The following QTRT2 variants were observed in gnomAD, a reference collection of about 807,000 sequenced individuals.
QTRT2 encodes the protein queuine tRNA-ribosyltransferase accessory subunit 2, also known as queuine tRNA-ribosyltransferase domain containing 1.
QTRT2 carries 32 observed loss-of-function variants against 44.8 expected under a neutral mutation model. That is an observed-to-expected ratio of 0.71 (90% CI 0.54 to 0.96). The LOEUF (loss-of-function observed/expected upper bound fraction) is 0.96, where lower values mean the gene tolerates loss of function less well. Among genes scored for constraint, QTRT2 ranks in the 40% least tolerant of loss-of-function variants. The pLI is 0.00. For synonymous variants in QTRT2, 182 were observed against 187.4 expected (o/e 0.97, Z 0.24); for missense variants, 461 against 503.1 (o/e 0.92, Z 0.80).
Position 114,065,261 on chromosome 3 carries a change from A to C in QTRT2, c.4A>C (p.Lys2Gln), listed in dbSNP as rs149814087. Residue 2 changes from lysine to glutamine, a missense_variant, in exon 3 of 10, where the codon AAG becomes CAG. Physicochemically the swap from Lys to Gln is moderately conservative, Grantham distance 53. Transcript: ENST00000281273. Reference protein sequence around the residue: MKLSLTKVVNGC... With the variant: MQLSLTKVVNGC... Reference sequence around the variant, plus strand: ...GGACCTAGAAGAATCCCTTAGGATGAAGCTGAGTCTTACCAAGGTAGTTAA... The same window carrying C: ...GGACCTAGAAGAATCCCTTAGGATGCAGCTGAGTCTTACCAAGGTAGTTAA... The C allele has an allele frequency of 2.1e-5, 34 of 1,613,826 alleles. No individual in the cohort carries two copies. Among genetic ancestry groups the C allele is most frequent in the African/African-American group, 6.7e-5 (5 of 74,872 alleles).
intron 5 of QTRT2, among the ~76,000 whole-genome samples, chr3:114,068,729 A>G (rs1181164992): frequency 6.6e-6 from 1 of 152,110 alleles, no homozygotes; most frequent in African/African-American, 2.4e-5. Flanking sequence ...TTAAGTTTCT[A>G]TTTATTTTGT....
At chr3:114,064,193 T>C (rs139648759) in intron 2 of QTRT2, among the ~76,000 whole-genome samples, 155 of 151,936 alleles carry the variant, frequency 1.0e-3, no homozygotes, top group African/African-American at 3.3e-3. Flanking sequence ...CCAGCCTGGG[T>C]GACAGAGCGA....
chr3:114,070,516 G>A lies in QTRT2; in HGVS notation c.334-110G>A, dbSNP rs985065097. ...ACCCACCATGTCTGGATATTGAATTGTCACCATCTCTGCAGTTGTAAAGAA... is the reference window on the plus strand; with the variant it reads ...ACCCACCATGTCTGGATATTGAATTATCACCATCTCTGCAGTTGTAAAGAA... On this transcript the variant is annotated intron_variant, in intron 5 of 9. Coordinates refer to ENST00000281273, the MANE Select transcript of QTRT2 (RefSeq NM_024638.4). 7.9e-6 allele frequency: 7 copies of A among 889,140 alleles called. No individual in the cohort carries two copies. In the East Asian group the frequency reaches 1.6e-4, roughly 21 times the overall value. 55.1% of individuals were successfully genotyped at this position (889,140 alleles called of 1,614,324 possible). A position where few individuals can be genotyped will look rare whatever the true frequency, so the allele number is the denominator to read the frequency against.
At chr3:114,062,437 C>G (rs905082304) in intron 2 of QTRT2, among the ~76,000 whole-genome samples, 1 of 149,264 alleles carries the variant, frequency 6.7e-6, no homozygotes, top group South Asian at 2.1e-4. Flanking sequence ...AGGTTCTAGA[C>G]AAGCCTATGA....
intron 2 of QTRT2, among the ~76,000 whole-genome samples, chr3:114,061,072 C>T (rs1320838459): frequency 1.3e-5 from 2 of 152,114 alleles, no homozygotes; most frequent in East Asian, 1.9e-4. Context: ...GTTTGGACCT[C>T]GGATGTCCAT....
intron 6 of QTRT2, among the ~76,000 whole-genome samples, chr3:114,075,872 C>T (rs1240412180): frequency 6.6e-6 from 1 of 152,058 alleles, no homozygotes; most frequent in Non-Finnish European, 1.5e-5. Flanking sequence ...CATTCCTTAC[C>T]CCAAGATTGT....
rs191358647 is a variant in QTRT2 at position 114,078,183 on chromosome 3, C to T, written c.746+1241C>T. The T allele has an allele frequency of 3.2e-3, 487 of 152,336 alleles. 1 individual carries two copies. Among genetic ancestry groups the T allele is most frequent in the Non-Finnish European group, 5.4e-3 (369 of 68,036 alleles). The allele number at this position is 152,336 out of a possible 1,614,324, so 9.4% of individuals were successfully genotyped here. On this transcript the variant is annotated intron_variant, in intron 7 of 9. Coordinates refer to ENST00000281273, the MANE Select transcript of QTRT2 (RefSeq NM_024638.4). ...TTCTTTTGTGTTCATTGCTCCCTCT[C>T]CTGTACTTGTTTCACTCTGGTGCAC...
At chr3:114,085,583 C>T in intron 9 of QTRT2, 90 bp from the exon 10 acceptor site, 1 of 1,065,194 alleles carries the variant, frequency 9.4e-7, no homozygotes, top group Non-Finnish European at 1.5e-6. Context: ...TTATTAACCA[C>T]TGGTAACTTT....
intron 2 of QTRT2, among the ~76,000 whole-genome samples, chr3:114,062,938 T>C (rs1422073996): frequency 6.6e-6 from 1 of 152,092 alleles, no homozygotes; most frequent in Non-Finnish European, 1.5e-5. Flanking sequence ...GATGAGAGAG[T>C]ATTTTTGGAG....
chr3:114,062,047 A>G (rs2076894105), intron 2 of QTRT2, among the ~76,000 whole-genome samples: 1 of 150,198 alleles, frequency 6.7e-6, no homozygotes, highest in African/African-American at 2.4e-5. Context: ...TGCATCTCCT[A>G]GCATGTTAAA....
intron 6 of QTRT2, 57 bp downstream of exon 6, chr3:114,070,895 CTG>C (rs2077016609): frequency 1.9e-5 from 26 of 1,353,854 alleles, no homozygotes; most frequent in Non-Finnish European, 2.3e-5. Context: ...CCCTTACATT[CTG>C]TGATACCACC....
chr3:114,088,339 A>G lies in QTRT2; in HGVS notation c.*2435A>G, dbSNP rs1020033878. 3.9e-5 allele frequency: 6 copies of G among 152,158 alleles called. No individual in the cohort carries two copies. The highest frequency in any genetic ancestry group is 1.4e-4 in the African/African-American group (6 of 41,438). The allele number at this position is 152,158 out of a possible 1,614,324, so 9.4% of individuals were successfully genotyped here. ...AGGCAATAGCCAATAAAACATTTTT[A>G]ATTTTAAAAATTTACTGTGTTTGGC... On this transcript the variant is annotated 3_prime_UTR_variant, in exon 10 of 10. Coordinates refer to ENST00000281273, the MANE Select transcript of QTRT2 (RefSeq NM_024638.4).
Position 114,085,861 on chromosome 3 carries a change from A to T in QTRT2, c.1205A>T (p.Lys402Ile). 6.2e-7 allele frequency: 1 copy of T among 1,614,150 alleles called. No individual in the cohort carries two copies. Among genetic ancestry groups the T allele is most frequent in the Non-Finnish European group, 8.5e-7 (1 of 1,180,032 alleles). Residue 402 changes from lysine (K) to isoleucine (I), a missense_variant, in exon 10 of 10, where the codon AAA becomes ATA. Transcript: ENST00000281273. The stretch of plus-strand genomic sequence containing the variant: ...ATCCGGGAAGCACTAAAAAGTGACA[A>T]ACTGGCACAGTTGAAAGAGCTCATC... The part of the protein sequence containing the change: ...HYIREALKSD[K>I]LAQLKELIHR...
Position 114,070,717 on chromosome 3 carries a change from A to G in QTRT2, c.425A>G (p.Gln142Arg). 1 of 1,614,160 alleles carries G rather than the reference A, an allele frequency of 6.2e-7. No individual in the cohort carries two copies. The highest frequency in any genetic ancestry group is 8.5e-7 in the Non-Finnish European group (1 of 1,180,008). ...IQKALQPDWF[Q>R]CLSDGEVSCK... Reference sequence around the variant, plus strand: ...AAGGCCCTTCAGCCAGACTGGTTCCAGTGCCTCTCCGATGGAGAAGTATCT... The same window carrying G: ...AAGGCCCTTCAGCCAGACTGGTTCCGGTGCCTCTCCGATGGAGAAGTATCT... Residue 142 changes from glutamine to arginine, a missense_variant, in exon 6 of 10, where the codon CAG (glutamine) becomes CGG (arginine). Coordinates refer to ENST00000281273, the MANE Select transcript of QTRT2 (RefSeq NM_024638.4).
At chr3:114,070,221 G>T (rs2077006110) in intron 5 of QTRT2, among the ~76,000 whole-genome samples, 1 of 152,132 alleles carries the variant, frequency 6.6e-6, no homozygotes, top group African/African-American at 2.4e-5. Context: ...TGCCCTATAT[G>T]TAAGATGTCT....
intron 9 of QTRT2, among the ~76,000 whole-genome samples, chr3:114,085,090 A>G (rs1361420491): frequency 6.6e-6 from 1 of 152,212 alleles, no homozygotes; most frequent in Non-Finnish European, 1.5e-5. Context: ...GTAATACTCA[A>G]CATGAGTGAG....
intron 2 of QTRT2, among the ~76,000 whole-genome samples, chr3:114,063,855 CTTAT>C (rs2076918667): frequency 6.6e-6 from 1 of 151,868 alleles, no homozygotes; most frequent in African/African-American, 2.4e-5. Context: ...ATAGATATGT[CTTAT>C]TTATTTGGTG....
chr3:114,082,766 T>C lies in QTRT2; in HGVS notation c.988T>C (p.Ser330Pro). The change falls in exon 9 of 10, where the codon TCA becomes CCA. Residue 330 changes from serine (S) to proline (P), a missense_variant. By Grantham distance (74) the Ser-to-Pro change is moderately conservative. Coordinates refer to ENST00000281273, the MANE Select transcript of QTRT2 (RefSeq NM_024638.4). ...ETTGCNQEIT[S>P]FEINLKEKKY... ...AACTGGTTGCAACCAAGAAATAACA[T>C]CATTTGAAATTAATCTGAAGGAAAA... The C allele has an allele frequency of 6.8e-7, 1 of 1,475,970 alleles. No individual in the cohort carries two copies. The highest frequency in any genetic ancestry group is 9.3e-7 in the Non-Finnish European group (1 of 1,074,926). 91.4% of individuals were successfully genotyped at this position (1,475,970 alleles called of 1,614,324 possible). A position where few individuals can be genotyped will look rare whatever the true frequency, so the allele number is the denominator to read the frequency against.
rs71146306 is a variant in QTRT2, at chr3:114,082,204, C to CCACACACACACACACA, written c.899-439_899-424dup. ...ATGATAAGGGATAGTGATAACCCCA[C>CCACACACACACACACA]CACACACACACACACACACACACAC... On this transcript the variant is annotated intron_variant, in intron 8 of 9. Coordinates refer to ENST00000281273, the MANE Select transcript of QTRT2 (RefSeq NM_024638.4). 1.5e-3 allele frequency among the ~76,000 whole-genome samples: 213 copies of CCACACACACACACACA among 138,860 alleles called. 3 individuals are homozygous for CCACACACACACACACA. The highest frequency in any genetic ancestry group is 4.9e-3 in the African/African-American group (179 of 36,750). 91.1% of individuals were successfully genotyped at this position (138,860 alleles called of 152,430 possible).
Sources: gnomAD v4.1 joint callset for allele counts (sites outside exome capture counted in the v4.1 genomes callset) on GRCh38, gnomAD v4.1.1 for gene constraint, MANE v1.5 for transcripts, NCBI Gene and HGNC (gene_info 2026-07-23, HGNC 2026-07-21) for gene names.